The following LRRC7 variants were observed in gnomAD, a reference collection of about 807,000 sequenced individuals.
LRRC7 encodes the protein leucine rich repeat containing 7.
In LRRC7, 23 loss-of-function variants were observed where a neutral mutation model predicts 175.7. That is an observed-to-expected ratio of 0.13 (90% CI 0.09 to 0.19). The LOEUF is 0.19. Ranked by LOEUF, LRRC7 falls within the 10% of genes least tolerant of loss-of-function variation. The probability of loss-of-function intolerance (pLI) is 1.00; values close to 1 mark genes in which losing one functional copy is unlikely to be tolerated. For synonymous variants in LRRC7, 685 were observed against 680.9 expected (o/e 1.01, Z -0.09); for missense variants, 1,354 against 1,904.7 (o/e 0.71, Z 5.38).
chr1:69,572,964 A>T (rs1477901549), intron 1 of LRRC7, among the ~76,000 whole-genome samples: 1 of 152,090 alleles, frequency 6.6e-6, no homozygotes, highest in Non-Finnish European at 1.5e-5. Context: ...TAAATAATCA[A>T]ATATGTCTAT....
intron 26 of LRRC7, among the ~76,000 whole-genome samples, chr1:70,108,993 T>C (rs1017624769): frequency 3.3e-5 from 5 of 151,620 alleles, no homozygotes; most frequent in African/African-American, 1.2e-4. Flanking sequence ...GGTGGTGTTT[T>C]GTTCTGTTGT....
chr1:70,063,784 C>A (rs1453457223), intron 23 of LRRC7, among the ~76,000 whole-genome samples: 1 of 151,834 alleles, frequency 6.6e-6, no homozygotes, highest in African/African-American at 2.4e-5. Flanking sequence ...TAGACTCATC[C>A]TCAGTTTCAT....
At chr1:69,627,258 T>TCACCATTCTCA (rs961294843) in intron 1 of LRRC7, among the ~76,000 whole-genome samples, 56 of 152,192 alleles carry the variant, frequency 3.7e-4, no homozygotes, top group African/African-American at 1.1e-3. Flanking sequence ...TTTTTAATGA[T>TCACCATTCTCA]CACCATTCTA....
At chr1:69,829,231 A>C (rs1438920887) in intron 5 of LRRC7, among the ~76,000 whole-genome samples, 3 of 151,892 alleles carry the variant, frequency 2.0e-5, no homozygotes, top group Non-Finnish European at 4.4e-5. Flanking sequence ...ACATGAAAAT[A>C]ATTTGAAGAC....
At chr1:69,983,694 A>G (rs956023589) in intron 9 of LRRC7, among the ~76,000 whole-genome samples, 3 of 152,214 alleles carry the variant, frequency 2.0e-5, no homozygotes, top group African/African-American at 4.8e-5. Context: ...TTGAAGTGCC[A>G]GCCAAGGACT....
At chr1:69,794,441 T>A (rs533381425) in intron 4 of LRRC7, among the ~76,000 whole-genome samples, 4 of 152,306 alleles carry the variant, frequency 2.6e-5, no homozygotes, top group African/African-American at 9.6e-5. Context: ...GAAGAACAAC[T>A]AGGTTTTGAC....
At chr1:70,000,140 A>G (rs368744211) in intron 11 of LRRC7, among the ~76,000 whole-genome samples, 2 of 152,226 alleles carry the variant, frequency 1.3e-5, no homozygotes, top group East Asian at 3.9e-4. Flanking sequence ...ATAACAAAAA[A>G]TTCATGCTAC....
intron 7 of LRRC7, among the ~76,000 whole-genome samples, chr1:69,890,291 A>G (rs6702124): frequency 0.066 from 10,075 of 152,298 alleles, 654 homozygotes; most frequent in African/African-American, 0.17. Flanking sequence ...TCACAGGCAT[A>G]AAAACAACAC....
intron 2 of LRRC7, among the ~76,000 whole-genome samples, chr1:69,735,882 C>T (rs1433125278): frequency 6.6e-6 from 1 of 151,746 alleles, no homozygotes; most frequent in African/African-American, 2.4e-5. Context: ...CCTCTCTCTG[C>T]CTCTCTCCCC....
chr1:69,644,225 A>G (rs924751005), intron 1 of LRRC7, among the ~76,000 whole-genome samples: 1 of 141,400 alleles, frequency 7.1e-6, no homozygotes, highest in African/African-American at 2.7e-5. Context: ...ATTTCCTCTA[A>G]CCTTTTTCAA....
At position 70,028,641 on chromosome 1, in the gene LRRC7, C is replaced by T. The variant is rs561023694; in HGVS notation, c.1995+270C>T. ...CCCAGCAAGGCCTGGCCAGTGAGTG[C>T]GTTATATCATATTAGTGACATTATT... On this transcript the variant is annotated intron_variant, in intron 18 of 26. Coordinates refer to ENST00000651989, the MANE Select transcript of LRRC7 (RefSeq NM_001370785.2). Among the ~76,000 whole-genome samples the T allele has an allele frequency of 2.6e-3, 398 of 152,092 alleles. 4 individuals are homozygous for T. Among genetic ancestry groups the T allele is most frequent in the African/African-American group, 9.2e-3 (382 of 41,502 alleles).
intron 4 of LRRC7, among the ~76,000 whole-genome samples, chr1:69,822,542 C>T (rs1375130897): frequency 6.6e-6 from 1 of 152,178 alleles, no homozygotes; most frequent in Non-Finnish European, 1.5e-5. Flanking sequence ...CTAGCCTTTC[C>T]CAGCCACTCA....
intron 1 of LRRC7, among the ~76,000 whole-genome samples, chr1:69,675,429 G>A (rs1481301166): frequency 6.6e-6 from 1 of 152,140 alleles, no homozygotes. Flanking sequence ...ATTCAAGAGA[G>A]TAGTTTTCAT....
chr1:69,889,796 A>C (rs1336340340), intron 7 of LRRC7, among the ~76,000 whole-genome samples: 1 of 152,078 alleles, frequency 6.6e-6, no homozygotes, highest in African/African-American at 2.4e-5. Flanking sequence ...ACAGAGTGAG[A>C]CCCTGTCTAA....
chr1:69,663,269 A>G (rs56271567), intron 1 of LRRC7, among the ~76,000 whole-genome samples: 2,186 of 117,082 alleles, frequency 0.019, 28 homozygotes, highest in Non-Finnish European at 0.028. Flanking sequence ...GATGTGCTGT[A>G]GTATGTAATA....
At chr1:70,019,996 T>G (rs1242815276) in intron 15 of LRRC7, among the ~76,000 whole-genome samples, 1 of 152,040 alleles carries the variant, frequency 6.6e-6, no homozygotes, top group Non-Finnish European at 1.5e-5. Flanking sequence ...GAATCCCTAA[T>G]TTGTCCCAAG....
At chr1:69,849,383 C>T (rs773094279) in intron 7 of LRRC7, among the ~76,000 whole-genome samples, 2 of 151,820 alleles carry the variant, frequency 1.3e-5, no homozygotes, top group African/African-American at 4.8e-5. Flanking sequence ...CTGGATTATA[C>T]TGAAATACAT....
rs542826952 is a variant in LRRC7 at position 70,032,110 on chromosome 1, A to G, written c.1995+3739A>G. Among the ~76,000 whole-genome samples the G allele has an allele frequency of 2.6e-5, 4 of 152,258 alleles. 1 individual carries two copies. The East Asian group carries it at 7.7e-4, about 29-fold the overall frequency. On this transcript the variant is annotated intron_variant, in intron 18 of 26. Coordinates refer to ENST00000651989, the MANE Select transcript of LRRC7 (RefSeq NM_001370785.2). ...CCGCTCCCGGCCAAGGATTTTCATC[A>G]AAAAGAATGTGCGATCTAATGTTGT...
chr1:69,820,234 C>T (rs907030681), intron 4 of LRRC7, among the ~76,000 whole-genome samples: 1 of 152,026 alleles, frequency 6.6e-6, no homozygotes, highest in African/African-American at 2.4e-5. Flanking sequence ...TACATTATAA[C>T]ATAGGCTATG....
Sources: gnomAD v4.1 joint callset for allele counts (sites outside exome capture counted in the v4.1 genomes callset) on GRCh38, gnomAD v4.1.1 for gene constraint, MANE v1.5 for transcripts, NCBI Gene and HGNC (gene_info 2026-07-23, HGNC 2026-07-21) for gene names.